CEP63: variants seen among roughly 807,000 people sequenced by gnomAD.
CEP63 encodes the protein centrosomal protein of 63 kDa.
A neutral mutation model predicts 89.1 loss-of-function variants in CEP63; 84 were observed. The observed-to-expected ratio is 0.94, with a 90% CI of 0.79 to 1.13. The LOEUF is 1.13. Among genes scored for constraint, CEP63 ranks in the 50% most tolerant of loss-of-function variants. The pLI is 0.00. For missense variants in CEP63, 838 were observed against 813.3 expected, an observed-to-expected ratio of 1.03 and a Z score of -0.37; for synonymous variants, 267 against 272.5, an observed-to-expected ratio of 0.98 and a Z score of 0.20.
chr3:134,494,472 C>A (rs1939034314), intron 1 of CEP63, among the ~76,000 whole-genome samples: 1 of 152,052 alleles, frequency 6.6e-6, no homozygotes, highest in Non-Finnish European at 1.5e-5. Context: ...CTCTGCTAGA[C>A]CCTTCATGTA....
At chr3:134,622,413 C>T in the CEP63 span, among the ~76,000 whole-genome samples, 2 of 152,148 alleles carry the variant, frequency 1.3e-5, no homozygotes, top group South Asian at 2.1e-4. Context: ...GTATATGCTA[C>T]GACATGGATG....
intron 3 of CEP63, among the ~76,000 whole-genome samples, chr3:134,518,378 C>T (rs1488168018): frequency 6.6e-6 from 1 of 152,090 alleles, no homozygotes; most frequent in East Asian, 1.9e-4. Flanking sequence ...TGAATATGGA[C>T]CATTTACCAC....
rs397718889 is a variant in CEP63, at chr3:134,558,359, T to TA, written c.1673+16dup. ...AATACAGAGTTCAAGTAAAATTTTT[T>TA]AAAAGTTTATTTAAAATGTGTATTG... is the stretch of plus-strand genomic sequence containing the variant. On this transcript the variant is annotated intron_variant, in intron 13 of 14. Transcript: ENST00000675561. The TA allele has an allele frequency of 2.6e-6, 4 of 1,555,478 alleles. No homozygotes were observed. Among genetic ancestry groups the TA allele is most frequent in the Non-Finnish European group, 2.7e-6 (3 of 1,127,896 alleles).
chr3:134,620,998 G>A, the CEP63 span: 1 of 630,370 alleles, frequency 1.6e-6, no homozygotes, highest in South Asian at 1.9e-5. Context: ...AAGGCTGGCT[G>A]AGGACAAATT....
At chr3:134,594,825 A>G in the CEP63 span, among the ~76,000 whole-genome samples, 1 of 152,266 alleles carries the variant, frequency 6.6e-6, no homozygotes, top group African/African-American at 2.4e-5. Flanking sequence ...GCACTGTTTA[A>G]TCATGGAGAT....
At chr3:134,508,668 G>T (rs763593957) in intron 3 of CEP63, among the ~76,000 whole-genome samples, 1 of 152,098 alleles carries the variant, frequency 6.6e-6, no homozygotes, top group Non-Finnish European at 1.5e-5. Flanking sequence ...TTGACGCCAC[G>T]GGCATTGTTG....
the CEP63 span, among the ~76,000 whole-genome samples, chr3:134,671,583 C>T: frequency 2.0e-5 from 3 of 152,282 alleles, no homozygotes; most frequent in African/African-American, 4.8e-5. Flanking sequence ...TGTGATATTA[C>T]CAACTGTACT....
Position 134,537,316 on chromosome 3 carries a change from C to G in CEP63, c.555+48C>G, listed in dbSNP as rs372902416. 1.8e-4 allele frequency: 220 copies of G among 1,200,064 alleles called. No individual in the cohort carries two copies. The African/African-American group carries it at 1.9e-3, about 11-fold the overall frequency. 74.3% of individuals were successfully genotyped at this position (1,200,064 alleles called of 1,614,324 possible). Reference sequence around the variant, plus strand: ...TAATGAGAAGCAGATAGGTTTTGATCAAGTTTGAACTACCTTAATGCAGTG... The same window carrying G: ...TAATGAGAAGCAGATAGGTTTTGATGAAGTTTGAACTACCTTAATGCAGTG... On this transcript the variant is annotated intron_variant, in intron 6 of 14. Transcript: ENST00000675561.
chr3:134,549,229 C>A, intron 10 of CEP63, 53 bp downstream of exon 10: 3 of 1,125,458 alleles, frequency 2.7e-6, no homozygotes, highest in Non-Finnish European at 4.1e-6. Context: ...ATGGACAAAG[C>A]TGTGGATTGG....
intron 1 of CEP63, among the ~76,000 whole-genome samples, chr3:134,490,561 ATTTAT>A (rs762932074): frequency 4.6e-5 from 7 of 151,708 alleles, no homozygotes; most frequent in South Asian, 2.1e-4. Context: ...TTGGTAGTTG[ATTTAT>A]TTTATTTTGT....
At chr3:134,505,607 C>A (rs556666456) in intron 2 of CEP63, among the ~76,000 whole-genome samples, 1 of 152,254 alleles carries the variant, frequency 6.6e-6, no homozygotes, top group South Asian at 2.1e-4. Context: ...GGGTGACATG[C>A]ACAGGCACCA....
the CEP63 span, among the ~76,000 whole-genome samples, chr3:134,781,000 C>T: frequency 3.9e-5 from 6 of 152,294 alleles, no homozygotes; most frequent in East Asian, 1.2e-3. Flanking sequence ...GTCTTGGCAA[C>T]GCTTATTGAA....
intron 2 of CEP63, among the ~76,000 whole-genome samples, chr3:134,503,246 A>G (rs2108307667): frequency 6.6e-6 from 1 of 151,222 alleles, no homozygotes; most frequent in East Asian, 1.9e-4. Context: ...ACATTTTTGC[A>G]TTTCTTTTTT....
the CEP63 span, among the ~76,000 whole-genome samples, chr3:134,704,708 G>A: frequency 2.2e-4 from 33 of 152,372 alleles, no homozygotes; most frequent in Admixed American, 1.5e-3. Context: ...CCTCTCTTGT[G>A]AGCCTGTGAG....
At chr3:134,651,672 C>G in the CEP63 span, 2 of 917,504 alleles carry the variant, frequency 2.2e-6, no homozygotes, top group Non-Finnish European at 2.6e-6. Context: ...GAGTATCAAG[C>G]TAACGATCCT....
chr3:134,673,156 A>G, the CEP63 span, among the ~76,000 whole-genome samples: 1 of 152,098 alleles, frequency 6.6e-6, no homozygotes, highest in African/African-American at 2.4e-5. Context: ...GTTCATACCT[A>G]AAGACTGTAA....
Position 134,531,947 on chromosome 3 carries a change from T to C in CEP63, c.318+7T>C. On this transcript the variant is annotated splice_region_variant and intron_variant, in intron 4 of 14. Transcript: ENST00000675561. ...GAAGAAACTACATGAAGAAGTGAGA[T>C]TTTAGTTTTGTTAAATGTTGTGTGT... 21 of 1,523,402 alleles carry C rather than the reference T, an allele frequency of 1.4e-5. No homozygotes were observed. The highest frequency in any genetic ancestry group is 2.3e-5 in the East Asian group (1 of 44,278). The allele number at this position is 1,523,402 out of a possible 1,614,324, so 94.4% of individuals were successfully genotyped here.
the CEP63 span, among the ~76,000 whole-genome samples, chr3:134,771,834 G>T: frequency 6.6e-6 from 1 of 152,018 alleles, no homozygotes; most frequent in African/African-American, 2.4e-5. Flanking sequence ...AAAACAAAAT[G>T]TAAAATAAAA....
chr3:134,506,745 C>T (rs1384805534), intron 2 of CEP63, among the ~76,000 whole-genome samples: 3 of 151,858 alleles, frequency 2.0e-5, no homozygotes, highest in Admixed American at 1.3e-4. Context: ...CATGGCAAAA[C>T]CCCATCTCTA....
Sources: gnomAD v4.1 joint callset for allele counts (sites outside exome capture counted in the v4.1 genomes callset) on GRCh38, gnomAD v4.1.1 for gene constraint, MANE v1.5 for transcripts, NCBI Gene and HGNC (gene_info 2026-07-23, HGNC 2026-07-21) for gene names.